The following FIGNL2 variants were observed in gnomAD, a reference collection of about 807,000 sequenced individuals.
FIGNL2 encodes the protein fidgetin-like protein 2.
For missense variants in FIGNL2, 1,060 were observed against 950.2 expected (o/e 1.12, Z -1.52); for synonymous variants, 565 against 484.0 (o/e 1.17, Z -2.20).
At chr12:51,837,500 C>G (rs1019492986) in intron 1 of FIGNL2, among the ~76,000 whole-genome samples, 1 of 152,198 alleles carries the variant, frequency 6.6e-6, no homozygotes, top group Non-Finnish European at 1.5e-5. Context: ...TTTGTCCACC[C>G]TCTGTGAATA....
rs779867719 is a variant in FIGNL2, at chr12:51,822,465, C to G, written c.-11-41G>C. 1.3e-5 allele frequency: 21 copies of G among 1,605,072 alleles called. No homozygotes were observed. In the South Asian group the frequency reaches 1.6e-4, roughly 12 times the overall value. On this transcript the variant is annotated intron_variant, in intron 1 of 1. Coordinates refer to ENST00000618634, the MANE Select transcript of FIGNL2 (RefSeq NM_001384995.1). ...AGGAGGTCTGGTGAGGTCTAGCCAC[C>G]GAGGACCCAGTGGGCCACTGCTAGC...
At chr12:51,842,657 C>G (rs1188453252) in intron 1 of FIGNL2, among the ~76,000 whole-genome samples, 1 of 152,148 alleles carries the variant, frequency 6.6e-6, no homozygotes, top group Non-Finnish European at 1.5e-5. Context: ...CCGACACAGC[C>G]TCCCCCAGGA....
intron 1 of FIGNL2, among the ~76,000 whole-genome samples, chr12:51,837,261 C>T (rs1460397086): frequency 2.0e-5 from 3 of 152,168 alleles, no homozygotes; most frequent in Non-Finnish European, 4.4e-5. Flanking sequence ...CCATCTACTA[C>T]CCCAGGAGGT....
rs180736113 is a variant in FIGNL2 at position 51,826,879 on chromosome 12, C to T, written c.-11-4455G>A. On this transcript the variant is annotated intron_variant, in intron 1 of 1. Transcript: ENST00000618634. ...ACGATGTCTCACGTGAGTCTGAATA[C>T]ACACCAACATGTATGTGCACACCAC... 3.8e-4 allele frequency among the ~76,000 whole-genome samples: 57 copies of T among 151,438 alleles called. 5 individuals carry two copies. The highest frequency in any genetic ancestry group is 1.4e-3 in the African/African-American group (55 of 40,724).
chr12:51,847,389 C>T (rs935938278), intron 1 of FIGNL2: 5 of 985,358 alleles, frequency 5.1e-6, no homozygotes, highest in Non-Finnish European at 4.8e-6. Flanking sequence ...GGTCCCCACT[C>T]CTCGCTGCCG....
At position 51,821,326 on chromosome 12, in the gene FIGNL2, G is replaced by A. The variant is rs763935575; in HGVS notation, c.1088C>T (p.Ser363Leu). ...PAPRGGFAVP[S>L]GETPKGVDPG... ...GTCCACGCCTTTGGGAGTCTCCCCC[G>A]ACGGCACGGCGAACCCCCCACGAGG... The change falls in exon 2 of 2, where the codon TCG (serine) becomes TTG (leucine). Residue 363 changes from serine to leucine, a missense_variant. By Grantham distance (145) the Ser-to-Leu change is moderately radical. Transcript: ENST00000618634. 3.3e-6 allele frequency: 5 copies of A among 1,506,358 alleles called. No individual in the cohort carries two copies. The highest frequency in any genetic ancestry group is 1.2e-5 in the South Asian group (1 of 81,088). The allele number at this position is 1,506,358 out of a possible 1,614,324, so 93.3% of individuals were successfully genotyped here.
At chr12:51,841,604 A>C (rs550203072) in intron 1 of FIGNL2, 1 of 147,888 alleles carries the variant, frequency 6.8e-6, no homozygotes, top group Admixed American at 6.7e-5. Context: ...ACCCCCTCCC[A>C]CACTTAGCCA....
intron 1 of FIGNL2, among the ~76,000 whole-genome samples, chr12:51,830,493 G>GTTT (rs1279826960): frequency 7.2e-5 from 6 of 83,122 alleles, no homozygotes; most frequent in East Asian, 2.7e-4. Context: ...ATATTGAGTT[G>GTTT]TTTTTTTTTT....
At chr12:51,847,868 C>T (rs563604925) in intron 1 of FIGNL2, 2 of 977,010 alleles carry the variant, frequency 2.0e-6, no homozygotes, top group East Asian at 2.3e-4. Flanking sequence ...CTCCGGGGGT[C>T]CCCCTTGTTG....
intron 1 of FIGNL2, among the ~76,000 whole-genome samples, chr12:51,827,818 C>A (rs924551174): frequency 6.6e-6 from 1 of 152,192 alleles, no homozygotes; most frequent in African/African-American, 2.4e-5. Context: ...AGCGCCTGTT[C>A]TACGTTTTAC....
Position 51,821,492 on chromosome 12 carries a change from C to T in FIGNL2, c.922G>A (p.Gly308Arg). The change falls in exon 2 of 2, where the codon GGG (glycine) becomes AGG (arginine). Residue 308 changes from glycine (G) to arginine (R), a missense_variant. Coordinates refer to ENST00000618634, the MANE Select transcript of FIGNL2 (RefSeq NM_001384995.1). ...GCTCCTGGCGGCTTGGCCCGGAACC[C>T]GTTGCCCCGACATTCGCCGTTGTCC... ...AADNGECRGNGFRAKPPGAAE... is the reference protein window; with the variant it reads ...AADNGECRGNRFRAKPPGAAE... 2 of 1,556,510 alleles carry T rather than the reference C, an allele frequency of 1.3e-6. No homozygotes were observed. The highest frequency in any genetic ancestry group is 2.5e-5 in the East Asian group (1 of 40,584).
chr12:51,840,796 C>T (rs1280206285), intron 1 of FIGNL2, among the ~76,000 whole-genome samples: 1 of 152,228 alleles, frequency 6.6e-6, no homozygotes, highest in East Asian at 1.9e-4. Flanking sequence ...TCATGGACCA[C>T]AAGGCTCAGC....
At chr12:51,834,414 C>T (rs1939545385) in intron 1 of FIGNL2, among the ~76,000 whole-genome samples, 1 of 152,286 alleles carries the variant, frequency 6.6e-6, no homozygotes, top group Non-Finnish European at 1.5e-5. Flanking sequence ...ACCCCCCACC[C>T]CATTGGGCTT....
rs554432132 is a variant in FIGNL2, at chr12:51,822,198, A to C, written c.216T>G (p.Asp72Glu). 78 of 1,611,984 alleles carry C rather than the reference A, an allele frequency of 4.8e-5. 3 individuals carry two copies. In the South Asian group the frequency reaches 8.2e-4, roughly 17 times the overall value. ...RYAEKYSGVL[D>E]SPYERPALGG... ...CCAGGGCCGGACGCTCGTAGGGAGA[A>C]TCCAAGACCCCAGAGTACTTCTCTG... is the stretch of plus-strand genomic sequence containing the variant. Residue 72 changes from aspartate (D) to glutamate (E), a missense_variant, in exon 2 of 2, where the codon GAT (aspartate) becomes GAG (glutamate). Asp to Glu is a conservative substitution (Grantham distance 45). Coordinates refer to ENST00000618634, the MANE Select transcript of FIGNL2 (RefSeq NM_001384995.1).
At chr12:51,822,569 G>T (rs748643009) in intron 1 of FIGNL2, 145 bp from the exon 2 acceptor site, 315 of 848,552 alleles carry the variant, frequency 3.7e-4, no homozygotes, top group Non-Finnish European at 5.2e-4. Flanking sequence ...ACTCTCTTGG[G>T]GCCCTCCCTC....
chr12:51,845,328 C>A, intron 1 of FIGNL2: 1 of 335,888 alleles, frequency 3.0e-6, no homozygotes, highest in Non-Finnish European at 4.2e-6. Context: ...GAGCCCAACA[C>A]CACAGAGCCT....
chr12:51,818,227 G>A lies in FIGNL2; in HGVS notation c.*2225C>T, dbSNP rs1939086336. 6.6e-6 allele frequency: 1 copy of A among 152,134 alleles called. No individual in the cohort carries two copies. Among genetic ancestry groups the A allele is most frequent in the African/African-American group, 2.4e-5 (1 of 41,384 alleles). 9.4% of individuals were successfully genotyped at this position (152,134 alleles called of 1,614,324 possible). A position where few individuals can be genotyped will look rare whatever the true frequency, so the allele number is the denominator to read the frequency against. On this transcript the variant is annotated 3_prime_UTR_variant, in exon 2 of 2. Transcript: ENST00000618634. ...CCCATGAGGTAGGTGCCACTAGGCTGGGGGCAGTCTCCTTGTGCAAAGCTC... is the reference window on the plus strand; with the variant it reads ...CCCATGAGGTAGGTGCCACTAGGCTAGGGGCAGTCTCCTTGTGCAAAGCTC...
chr12:51,821,613 G>A lies in FIGNL2; in HGVS notation c.801C>T (p.Arg267=). 6.7e-7 allele frequency: 1 copy of A among 1,501,192 alleles called. No individual in the cohort carries two copies. The highest frequency in any genetic ancestry group is 8.8e-7 in the Non-Finnish European group (1 of 1,131,092). The allele number at this position is 1,501,192 out of a possible 1,614,324, so 93.0% of individuals were successfully genotyped here. ...PGAESGLSLK[R]KAADEGPEGR... is the part of the protein sequence containing the mutation. The stretch of plus-strand genomic sequence containing the variant: ...CCTCGGGCCCCTCGTCGGCGGCCTT[G>A]CGCTTCAGCGACAGCCCGGATTCGG... Residue 267 remains arginine, a synonymous_variant, in exon 2 of 2, where the codon CGC becomes CGT. Transcript: ENST00000618634.
chr12:51,832,554 G>A (rs541903297), intron 1 of FIGNL2, among the ~76,000 whole-genome samples: 40 of 151,812 alleles, frequency 2.6e-4, no homozygotes, highest in Non-Finnish European at 1.3e-4. Flanking sequence ...CCCTGCTGCC[G>A]TCCCCTCCAC....
Sources: allele counts gnomAD v4.1 joint callset (sites outside exome capture counted in the v4.1 genomes callset), GRCh38; gene constraint gnomAD v4.1.1; transcripts MANE v1.5; gene names NCBI Gene and HGNC (gene_info 2026-07-23, HGNC 2026-07-21).